DCUN1D5: variants seen among roughly 807,000 people sequenced by gnomAD.
DCUN1D5 encodes the protein defective in cullin neddylation 1 domain containing 5.
In DCUN1D5, 10 loss-of-function variants were observed where a neutral mutation model predicts 38.3. The observed-to-expected ratio is 0.26, with a 90% CI of 0.16 to 0.44. The LOEUF (loss-of-function observed/expected upper bound fraction) is 0.44, where lower values mean the gene tolerates loss of function less well. Among genes scored for constraint, DCUN1D5 ranks in the 20% least tolerant of loss-of-function variants. DCUN1D5 has a pLI of 1.00. For missense variants in DCUN1D5, 148 were observed against 275.3 expected (o/e 0.54, Z 3.27); for synonymous variants, 93 against 90.9 (o/e 1.02, Z -0.13).
In DCUN1D5 at chr11:103,083,215, T is replaced by C. The variant is rs1314566417; in HGVS notation, c.249+41A>G. Reference sequence around the variant, plus strand: ...TTTTTAGTAATTTACGAATATGCTATACCCCACTTATATGCCATTCTACTT... The same window carrying C: ...TTTTTAGTAATTTACGAATATGCTACACCCCACTTATATGCCATTCTACTT... On this transcript the variant is annotated intron_variant, in intron 3 of 7. Coordinates refer to ENST00000260247, the MANE Select transcript of DCUN1D5 (RefSeq NM_032299.4). The surrounding 1 kb of genome is among the most constrained non-coding windows in gnomAD (Gnocchi z 4.4). 1.1e-6 allele frequency: 1 copy of C among 950,178 alleles called. No homozygotes were observed. The highest frequency in any genetic ancestry group is 1.6e-5 in the African/African-American group (1 of 61,858). 58.9% of individuals were successfully genotyped at this position (950,178 alleles called of 1,614,324 possible).
At chr11:103,079,238 C>G (rs1351539412) in intron 4 of DCUN1D5, among the ~76,000 whole-genome samples, 1 of 152,126 alleles carries the variant, frequency 6.6e-6, no homozygotes, top group Non-Finnish European at 1.5e-5. Flanking sequence ...CCAGCCCCAT[C>G]CATGGTAAAA....
At chr11:103,068,167 C>CT (rs1474878167) in intron 4 of DCUN1D5, among the ~76,000 whole-genome samples, 2 of 151,940 alleles carry the variant, frequency 1.3e-5, no homozygotes, top group Non-Finnish European at 2.9e-5. Flanking sequence ...ATCTTCATCC[C>CT]TTTTTTGTTG....
Position 103,061,597 on chromosome 11 carries a change from C to CAAAAAAAAAAAAAAAAAAA in DCUN1D5, c.*761_*762insTTTTTTTTTTTTTTTTTTT, listed in dbSNP as rs141012503. ...TATCACAGCTAACGTTCTCTTAAGG[C>CAAAAAAAAAAAAAAAAAAA]AAAAAAAAAAAAAAAAAGTGCTTTA... On this transcript the variant is annotated 3_prime_UTR_variant, in exon 8 of 8. Transcript: ENST00000260247. Among the ~76,000 whole-genome samples the CAAAAAAAAAAAAAAAAAAA allele has an allele frequency of 1.0e-5, 1 of 95,540 alleles. No individual in the cohort carries two copies. Among genetic ancestry groups the CAAAAAAAAAAAAAAAAAAA allele is most frequent in the Non-Finnish European group, 2.3e-5 (1 of 43,398 alleles). 62.7% of individuals were successfully genotyped at this position (95,540 alleles called of 152,430 possible). A position where few individuals can be genotyped will look rare whatever the true frequency, so the allele number is the denominator to read the frequency against.
Position 103,054,149 on chromosome 11 carries a change from C to A in DCUN1D5, c.*8210G>T, listed in dbSNP as rs1166391954. 1 of 152,062 alleles carries A rather than the reference C, an allele frequency of 6.6e-6. No individual in the cohort carries two copies. The highest frequency in any genetic ancestry group is 6.6e-5 in the Admixed American group (1 of 15,246). The allele number at this position is 152,062 out of a possible 1,614,324, so 9.4% of individuals were successfully genotyped here. A position where few individuals can be genotyped will look rare whatever the true frequency, so the allele number is the denominator to read the frequency against. Reference sequence around the variant, plus strand: ...CAGATAGAGAGAACCTCCCAATTTCCACATCTATGTCTCCTGTTTACTCCA... The same window carrying A: ...CAGATAGAGAGAACCTCCCAATTTCAACATCTATGTCTCCTGTTTACTCCA... On this transcript the variant is annotated 3_prime_UTR_variant, in exon 8 of 8. Transcript: ENST00000260247.
intron 4 of DCUN1D5, among the ~76,000 whole-genome samples, chr11:103,069,455 T>C (rs1479595430): frequency 1.3e-5 from 2 of 152,112 alleles, no homozygotes; most frequent in African/African-American, 2.4e-5. Context: ...GGACCTAAAA[T>C]GTCCACCCTT....
In DCUN1D5 at chr11:103,064,637, T is replaced by A. The variant is rs1180795038; in HGVS notation, c.556-260A>T. Among the ~76,000 whole-genome samples, 3 of 152,190 alleles carry A rather than the reference T, an allele frequency of 2.0e-5. No individual in the cohort carries two copies. Among genetic ancestry groups the A allele is most frequent in the African/African-American group, 7.2e-5 (3 of 41,452 alleles). ...TAAGGATAAAACTAACTTTTTCATATGTATATACTTGTGTTACCACCAATG... is the reference window on the plus strand; with the variant it reads ...TAAGGATAAAACTAACTTTTTCATAAGTATATACTTGTGTTACCACCAATG... On this transcript the variant is annotated intron_variant, in intron 6 of 7. Transcript: ENST00000260247. The surrounding 1 kb of genome is among the most constrained non-coding windows in gnomAD (Gnocchi z 4.5).
At position 103,066,272 on chromosome 11, in the gene DCUN1D5, C is replaced by T. The variant is rs1434064839; in HGVS notation, c.552G>A (p.Leu184=). ...WPLFSVFYQY[L]EQSKYRVMNK... Reference sequence around the variant, plus strand: ...AAATTCGAAAAAACATACGTACCTCCAGGTACTGGTAAAATACTGAAAACA... The same window carrying T: ...AAATTCGAAAAAACATACGTACCTCTAGGTACTGGTAAAATACTGAAAACA... Residue 184 remains leucine (L), a synonymous_variant, in exon 6 of 8, where the codon CTG becomes CTA. Transcript: ENST00000260247. This position sits in a 1 kb window ranked among gnomAD's most constrained non-coding sequence, Gnocchi z 4.7. 6.3e-7 allele frequency: 1 copy of T among 1,578,112 alleles called. No homozygotes were observed. Among genetic ancestry groups the T allele is most frequent in the Non-Finnish European group, 8.6e-7 (1 of 1,161,470 alleles).
intron 2 of DCUN1D5, among the ~76,000 whole-genome samples, chr11:103,085,402 A>T (rs1056240197): frequency 2.6e-5 from 4 of 152,210 alleles, no homozygotes; most frequent in African/African-American, 9.6e-5. Context: ...GCGCCACTGC[A>T]CTCCAGCGTA....
In DCUN1D5 at chr11:103,071,563, A is replaced by T. The variant is rs1046255541; in HGVS notation, c.342-4996T>A. Among the ~76,000 whole-genome samples the T allele has an allele frequency of 2.0e-5, 3 of 149,784 alleles. No individual in the cohort carries two copies. Among genetic ancestry groups the T allele is most frequent in the African/African-American group, 7.3e-5 (3 of 41,132 alleles). ...AGATATTTTATATCTATTGATTTAT[A>T]TAGATATAATCTATATCTATGTAAA... On this transcript the variant is annotated intron_variant, in intron 4 of 7. Coordinates refer to ENST00000260247, the MANE Select transcript of DCUN1D5 (RefSeq NM_032299.4). The surrounding 1 kb of genome is among the most constrained non-coding windows in gnomAD (Gnocchi z 4.1).
In DCUN1D5 at chr11:103,065,577, G is replaced by C. The variant is rs1208849244; in HGVS notation, c.555+692C>G. Among the ~76,000 whole-genome samples the C allele has an allele frequency of 6.6e-6, 1 of 150,822 alleles. No homozygotes were observed. Among genetic ancestry groups the C allele is most frequent in the Non-Finnish European group, 1.5e-5 (1 of 67,778 alleles). On this transcript the variant is annotated intron_variant, in intron 6 of 7. Transcript: ENST00000260247. The surrounding 1 kb of genome is among the most constrained non-coding windows in gnomAD (Gnocchi z 4.6). ...AGCATCTGTATTCAAGATATGGTGA[G>C]AACTATACCAATAACCCTAGAATTA...
In DCUN1D5 at chr11:103,060,450, T is replaced by G. The variant is rs1049256168; in HGVS notation, c.*1909A>C. Among the ~76,000 whole-genome samples the G allele has an allele frequency of 3.9e-5, 6 of 152,008 alleles. No individual in the cohort carries two copies. The highest frequency in any genetic ancestry group is 1.5e-4 in the African/African-American group (6 of 41,372). On this transcript the variant is annotated 3_prime_UTR_variant, in exon 8 of 8. Coordinates refer to ENST00000260247, the MANE Select transcript of DCUN1D5 (RefSeq NM_032299.4). Reference sequence around the variant, plus strand: ...GATTGAAAATACAGTATTCCCGGGATGCGACACCTACATACACGGGGAGGG... The same window carrying G: ...GATTGAAAATACAGTATTCCCGGGAGGCGACACCTACATACACGGGGAGGG...
At chr11:103,089,984 A>C (rs1167929533) in intron 1 of DCUN1D5, among the ~76,000 whole-genome samples, 2 of 152,138 alleles carry the variant, frequency 1.3e-5, no homozygotes, top group Non-Finnish European at 2.9e-5. Context: ...AAAATAACTA[A>C]AATTTGGTAA....
rs1862619622 is a variant in DCUN1D5 at position 103,083,467 on chromosome 11, AAATATT to A, written c.179-147_179-142del. ...ATTTTGGCATAGCTTTGATAAGTAT[AAATATT>A]TGCTACAGGATTTAAAATTTAAAAT... On this transcript the variant is annotated intron_variant, in intron 2 of 7. Coordinates refer to ENST00000260247, the MANE Select transcript of DCUN1D5 (RefSeq NM_032299.4). This position sits in a 1 kb window ranked among gnomAD's most constrained non-coding sequence, Gnocchi z 4.4. 1.9e-6 allele frequency: 1 copy of A among 531,566 alleles called. No homozygotes were observed. Among genetic ancestry groups the A allele is most frequent in the Non-Finnish European group, 3.4e-6 (1 of 293,254 alleles). 32.9% of individuals were successfully genotyped at this position (531,566 alleles called of 1,614,324 possible).
chr11:103,082,527 T>C (rs996778830), intron 4 of DCUN1D5, among the ~76,000 whole-genome samples: 1 of 152,054 alleles, frequency 6.6e-6, no homozygotes, highest in African/African-American at 2.4e-5. Flanking sequence ...GGAATTTTAA[T>C]AGGACTGTAC....
Position 103,059,312 on chromosome 11 carries a change from G to C in DCUN1D5, c.*3047C>G, listed in dbSNP as rs1329308231. On this transcript the variant is annotated 3_prime_UTR_variant, in exon 8 of 8. Transcript: ENST00000260247. ...CTATTCCACATACCTTGTATGCCTT[G>C]AAAACTCTGGAGTTATCTCAGAATT... Among the ~76,000 whole-genome samples the C allele has an allele frequency of 6.6e-6, 1 of 151,986 alleles. No individual in the cohort carries two copies. The highest frequency in any genetic ancestry group is 2.4e-5 in the African/African-American group (1 of 41,362).
At position 103,068,467 on chromosome 11, in the gene DCUN1D5, T is replaced by C. The variant is rs141922595; in HGVS notation, c.342-1900A>G. Among the ~76,000 whole-genome samples the C allele has an allele frequency of 3.9e-3, 597 of 152,114 alleles. 3 individuals are homozygous for C. Among genetic ancestry groups the C allele is most frequent in the African/African-American group, 0.013 (540 of 41,494 alleles). ...ATGGACTGGACAAAGAAAATACATATACACCATGGTATATGTACACTATGG... is the reference window on the plus strand; with the variant it reads ...ATGGACTGGACAAAGAAAATACATACACACCATGGTATATGTACACTATGG... On this transcript the variant is annotated intron_variant, in intron 4 of 7. Coordinates refer to ENST00000260247, the MANE Select transcript of DCUN1D5 (RefSeq NM_032299.4).
In DCUN1D5 at chr11:103,075,346, A is replaced by G. The variant is rs116975784; in HGVS notation, c.341+7402T>C. On this transcript the variant is annotated intron_variant, in intron 4 of 7. Transcript: ENST00000260247. The stretch of plus-strand genomic sequence containing the variant: ...CATCACTCATCATTTCTGGCCTCTG[A>G]TTATTTTCCTTACAGGCAAGTCCAA... Among the ~76,000 whole-genome samples the G allele has an allele frequency of 1.1e-3, 170 of 152,012 alleles. 1 individual carries two copies. The East Asian group carries it at 0.029, about 26-fold the overall frequency.
chr11:103,083,218 C>A lies in DCUN1D5; in HGVS notation c.249+38G>T. On this transcript the variant is annotated intron_variant, in intron 3 of 7. Coordinates refer to ENST00000260247, the MANE Select transcript of DCUN1D5 (RefSeq NM_032299.4). The surrounding 1 kb of genome is among the most constrained non-coding windows in gnomAD (Gnocchi z 4.4). ...TTAGTAATTTACGAATATGCTATAC[C>A]CCACTTATATGCCATTCTACTTAGA... 1.0e-6 allele frequency: 1 copy of A among 982,496 alleles called. No homozygotes were observed. The highest frequency in any genetic ancestry group is 1.6e-6 in the Non-Finnish European group (1 of 611,458). The allele number at this position is 982,496 out of a possible 1,614,324, so 60.9% of individuals were successfully genotyped here. A position where few individuals can be genotyped will look rare whatever the true frequency, so the allele number is the denominator to read the frequency against.
chr11:103,088,475 TCTGG>T (rs1862770731), intron 2 of DCUN1D5, among the ~76,000 whole-genome samples: 1 of 152,210 alleles, frequency 6.6e-6, no homozygotes, highest in African/African-American at 2.4e-5. Flanking sequence ...CAGCCCCATC[TCTGG>T]CTGGCTTTGA....
Sources: gnomAD v4.1 joint callset for allele counts (sites outside exome capture counted in the v4.1 genomes callset) on GRCh38, gnomAD v4.1.1 for gene constraint, Gnocchi (gnomAD v3.1) non-coding constraint, MANE v1.5 for transcripts, NCBI Gene and HGNC (gene_info 2026-07-23, HGNC 2026-07-21) for gene names.